Variants in SZT2 observed in about 807,000 individuals in gnomAD.
SZT2 encodes SZT2 subunit of KICSTOR complex, also known as KICSTOR complex protein SZT2.
A neutral mutation model predicts 404.2 loss-of-function variants in SZT2; 216 were observed. That is an observed-to-expected ratio of 0.53 (90% CI 0.48 to 0.60). SZT2 has a LOEUF of 0.60. Ranked by LOEUF, SZT2 falls within the 20% of genes least tolerant of loss-of-function variation. The probability of loss-of-function intolerance (pLI) is 0.00; values close to 1 mark genes in which losing one functional copy is unlikely to be tolerated. For synonymous variants in SZT2, 1,693 were observed against 1,749.9 expected, an observed-to-expected ratio of 0.97 and a Z score of 0.81; for missense variants, 3,857 against 4,459.2, an observed-to-expected ratio of 0.86 and a Z score of 3.85.
In SZT2 at chr1:43,430,997, C is replaced by T; in HGVS notation, c.4823C>T (p.Pro1608Leu). The T allele has an allele frequency of 6.2e-7, 1 of 1,614,178 alleles. No homozygotes were observed. The highest frequency in any genetic ancestry group is 8.5e-7 in the Non-Finnish European group (1 of 1,180,038). Reference protein sequence around the residue: ...LEGPPVGGRVPLRDLSVTLDV... With the variant: ...LEGPPVGGRVLLRDLSVTLDV... ...GGCCCCCCAGTTGGAGGCCGAGTTC[C>T]CTTGAGGGACCTCAGTGTGACTCTG... Residue 1608 changes from proline to leucine, a missense_variant, in exon 33 of 72, where the codon CCC (proline) becomes CTC (leucine). Physicochemically the swap from Pro to Leu is moderately conservative, Grantham distance 98. Coordinates refer to ENST00000634258, the MANE Select transcript of SZT2 (RefSeq NM_001365999.1).
chr1:43,413,167 C>T (rs978995476), intron 4 of SZT2, among the ~76,000 whole-genome samples: 4 of 152,106 alleles, frequency 2.6e-5, no homozygotes, highest in East Asian at 1.9e-4. Flanking sequence ...TTTGGGAGGC[C>T]GAGGTGGGAG....
intron 6 of SZT2, 104 bp downstream of exon 6, chr1:43,416,205 G>A: frequency 7.0e-7 from 1 of 1,419,350 alleles, no homozygotes; most frequent in Non-Finnish European, 9.4e-7. Flanking sequence ...TGGGCCCCAG[G>A]GAAGAGGATC....
rs191512963 is a variant in SZT2 at position 43,414,845 on chromosome 1, C to T, written c.499-237C>T. On this transcript the variant is annotated intron_variant, in intron 4 of 71. Transcript: ENST00000634258. ...GGTTGGGGAAGCCCAGTGTGGAGGA[C>T]CCTAAGCAGAGGGAAGTTGTGACCC... Among the ~76,000 whole-genome samples, 6 of 152,202 alleles carry T rather than the reference C, an allele frequency of 3.9e-5. No individual in the cohort carries two copies. In the East Asian group the frequency reaches 1.2e-3, roughly 29 times the overall value.
chr1:43,404,362 C>T lies in SZT2; in HGVS notation c.328-18C>T. ...GGCTGCCTTTGGACCCCCTTGAGTGCTCTTTCTCTGCCCTCAGGATGATTC... is the reference window on the plus strand; with the variant it reads ...GGCTGCCTTTGGACCCCCTTGAGTGTTCTTTCTCTGCCCTCAGGATGATTC... On this transcript the variant is annotated intron_variant, in intron 3 of 71. Coordinates refer to ENST00000634258, the MANE Select transcript of SZT2 (RefSeq NM_001365999.1). 6.2e-7 allele frequency: 1 copy of T among 1,603,804 alleles called. No individual in the cohort carries two copies. The highest frequency in any genetic ancestry group is 8.5e-7 in the Non-Finnish European group (1 of 1,173,588).
At chr1:43,408,791 T>C (rs1650649653) in intron 4 of SZT2, among the ~76,000 whole-genome samples, 2 of 152,224 alleles carry the variant, frequency 1.3e-5, no homozygotes, top group Non-Finnish European at 2.9e-5. Flanking sequence ...GCTCCAGTTC[T>C]GCTCGTTTTC....
Position 43,419,949 on chromosome 1 carries a change from G to C in SZT2, c.1090+5G>C. On this transcript the variant is annotated splice_donor_5th_base_variant and intron_variant, in intron 8 of 71. Transcript: ENST00000634258. ...TGAACCCTGAATATTACTGCGGTGAGAGGCACACTGAGGTGGGTGTGGGAA... is the reference window on the plus strand; with the variant it reads ...TGAACCCTGAATATTACTGCGGTGACAGGCACACTGAGGTGGGTGTGGGAA... 1 of 1,598,190 alleles carries C rather than the reference G, an allele frequency of 6.3e-7. No individual in the cohort carries two copies. The highest frequency in any genetic ancestry group is 8.5e-7 in the Non-Finnish European group (1 of 1,179,586).
chr1:43,430,345 T>C lies in SZT2; in HGVS notation c.4436T>C (p.Ile1479Thr). The C allele has an allele frequency of 6.2e-7, 1 of 1,611,340 alleles. No individual in the cohort carries two copies. Among genetic ancestry groups the C allele is most frequent in the Non-Finnish European group, 8.5e-7 (1 of 1,179,282 alleles). Residue 1479 changes from isoleucine (I) to threonine (T), a missense_variant, in exon 31 of 72, where the codon ATC becomes ACC. Transcript: ENST00000634258. ...CCTCGGGACACAGTAGACAGAAAAA[T>C]CAGTGACCTGGAGTTTTCAGAGGCT... ...EGPRDTVDRK[I>T]SDLEFSEAEL...
chr1:43,441,881 A>G lies in SZT2; in HGVS notation c.7742+63A>G. On this transcript the variant is annotated intron_variant, in intron 55 of 71. Coordinates refer to ENST00000634258, the MANE Select transcript of SZT2 (RefSeq NM_001365999.1). This position sits in a 1 kb window ranked among gnomAD's most constrained non-coding sequence, Gnocchi z 4.8. ...TAGACTTCCTAAAAGCTGGGCCTACAGGAAGCCAAACCTGAGGAAGCTGAG... is the reference window on the plus strand; with the variant it reads ...TAGACTTCCTAAAAGCTGGGCCTACGGGAAGCCAAACCTGAGGAAGCTGAG... 6.2e-7 allele frequency: 1 copy of G among 1,602,128 alleles called. No individual in the cohort carries two copies. Among genetic ancestry groups the G allele is most frequent in the South Asian group, 1.1e-5 (1 of 90,398 alleles).
At chr1:43,446,841 T>G in intron 65 of SZT2, 114 bp from the exon 66 acceptor site, 1 of 1,146,714 alleles carries the variant, frequency 8.7e-7, no homozygotes, top group Non-Finnish European at 1.2e-6. Context: ...GGCGTTCCAC[T>G]AGGCCACAGC....
Position 43,434,454 on chromosome 1 carries a change from G to T in SZT2, c.5873G>T (p.Arg1958Leu). The T allele has an allele frequency of 6.3e-7, 1 of 1,597,402 alleles. No individual in the cohort carries two copies. The highest frequency in any genetic ancestry group is 1.8e-5 in the Admixed American group (1 of 56,608). Reference sequence around the variant, plus strand: ...CACCTGCAGCAGCTCCTGGTGAGGCGAGTTGGGGAGATCTGCAGGGAGGTC... The same window carrying T: ...CACCTGCAGCAGCTCCTGGTGAGGCTAGTTGGGGAGATCTGCAGGGAGGTC... ...CRHLQQLLVR[R>L]VGEICREVNQ... The change falls in exon 41 of 72, where the codon CGA (arginine) becomes CTA (leucine). Residue 1958 changes from arginine (R) to leucine (L), a missense_variant. This residue lies in a region of SZT2 where 1,725 missense variants were observed against 1,881.0 expected (regional missense o/e 0.92). Coordinates refer to ENST00000634258, the MANE Select transcript of SZT2 (RefSeq NM_001365999.1).
Position 43,415,225 on chromosome 1 carries a change from A to G in SZT2, c.630+12A>G. 1 of 1,597,338 alleles carries G rather than the reference A, an allele frequency of 6.3e-7. No homozygotes were observed. The highest frequency in any genetic ancestry group is 8.5e-7 in the Non-Finnish European group (1 of 1,179,226). ...ATCCCCAGAGCCAGGTATGTAAGAG[A>G]GAAAGTGGGCAGAGGCAACTTAGAA... On this transcript the variant is annotated intron_variant, in intron 5 of 71. Transcript: ENST00000634258.
Position 43,431,888 on chromosome 1 carries a change from C to A in SZT2, c.5261C>A (p.Thr1754Lys), listed in dbSNP as rs939453838. ...GTATTTGGGCCAGAGCGTTCCCTCA[C>A]ACAATTCAAGGAGGTAAGTTGCCCT... ...SFVFGPERSL[T>K]QFKEEFRRLH... The change falls in exon 36 of 72, where the codon ACA (threonine) becomes AAA (lysine). Residue 1754 changes from threonine to lysine, a missense_variant. Transcript: ENST00000634258. 5.6e-6 allele frequency: 9 copies of A among 1,614,046 alleles called. No homozygotes were observed. Among genetic ancestry groups the A allele is most frequent in the Non-Finnish European group, 7.6e-6 (9 of 1,180,046 alleles).
intron 4 of SZT2, 67 bp downstream of exon 4, chr1:43,404,617 T>C: frequency 6.6e-7 from 1 of 1,514,268 alleles, no homozygotes; most frequent in East Asian, 2.3e-5. Context: ...GACCAAGTCC[T>C]TATCCTGTCT....
chr1:43,438,003 A>G (rs897730295), intron 46 of SZT2, 101 bp downstream of exon 46: 52 of 1,237,610 alleles, frequency 4.2e-5, no homozygotes, highest in Non-Finnish European at 5.1e-5. Flanking sequence ...AAGTTATGTA[A>G]CAGTCTCAGC....
Position 43,434,467 on chromosome 1 carries a change from C to G in SZT2, c.5886C>G (p.Ile1962Met), listed in dbSNP as rs978791042. ...QQLLVRRVGE[I>M]CREVNQRLLL... is the part of the protein sequence containing the mutation. ...TCCTGGTGAGGCGAGTTGGGGAGAT[C>G]TGCAGGGAGGTCAACCAGGTAAGGG... The change falls in exon 41 of 72, where the codon ATC (isoleucine) becomes ATG (methionine). Residue 1962 changes from isoleucine to methionine, a missense_variant. By Grantham distance (10) the Ile-to-Met change is conservative. This residue lies in a region of SZT2 where 1,725 missense variants were observed against 1,881.0 expected (regional missense o/e 0.92). Coordinates refer to ENST00000634258, the MANE Select transcript of SZT2 (RefSeq NM_001365999.1). 6.3e-7 allele frequency: 1 copy of G among 1,595,572 alleles called. No homozygotes were observed. Among genetic ancestry groups the G allele is most frequent in the African/African-American group, 1.3e-5 (1 of 74,860 alleles).
intron 11 of SZT2, 90 bp from the exon 12 acceptor site, chr1:43,421,993 C>T (rs775203159): frequency 2.1e-4 from 294 of 1,394,076 alleles, no homozygotes; most frequent in Admixed American, 5.0e-4. Flanking sequence ...ACTCTCTGAA[C>T]GGAGTCCACC....
intron 4 of SZT2, among the ~76,000 whole-genome samples, chr1:43,411,356 C>T (rs1261742829): frequency 2.6e-5 from 4 of 152,208 alleles, no homozygotes; most frequent in Non-Finnish European, 5.9e-5. Context: ...TAGCCTGACC[C>T]AGGGGGCCCA....
rs1570694932 is a variant in SZT2 at position 43,437,207 on chromosome 1, A to T, written c.6071A>T (p.Tyr2024Phe). The change falls in exon 43 of 72, where the codon TAC (tyrosine) becomes TTC (phenylalanine). Residue 2024 changes from tyrosine to phenylalanine, a missense_variant. Tyr to Phe is a conservative substitution (Grantham distance 22). Coordinates refer to ENST00000634258, the MANE Select transcript of SZT2 (RefSeq NM_001365999.1). The surrounding 1 kb of genome is among the most constrained non-coding windows in gnomAD (Gnocchi z 5.3). ...GATGAGAGCTGTGCGCCCCGTGGGT[A>T]CCTGGCAGCCACAATGCAGTTTGTC... ...AADESCAPRG[Y>F]LAATMQFVPG... 6.2e-7 allele frequency: 1 copy of T among 1,614,064 alleles called. No individual in the cohort carries two copies. The highest frequency in any genetic ancestry group is 8.5e-7 in the Non-Finnish European group (1 of 1,180,008).
intron 3 of SZT2, chr1:43,404,095 T>C (rs1037196223): frequency 3.5e-5 from 18 of 514,964 alleles, no homozygotes; most frequent in African/African-American, 5.7e-5. Flanking sequence ...CTGTCCTAGC[T>C]ACTCGGGAGG....
Sources: allele counts gnomAD v4.1 joint callset (sites outside exome capture counted in the v4.1 genomes callset), GRCh38; gene constraint gnomAD v4.1.1; regional missense constraint gnomAD v4.1.1; non-coding constraint Gnocchi (gnomAD v3.1); transcripts MANE v1.5; gene names NCBI Gene and HGNC (gene_info 2026-07-23, HGNC 2026-07-21).